EFCAB5: variants seen among roughly 807,000 people sequenced by gnomAD.
EFCAB5 encodes EF-hand calcium binding domain 5, also known as EF-hand calcium-binding domain-containing protein 5.
EFCAB5 carries 131 observed loss-of-function variants against 167.9 expected under a neutral mutation model. The observed-to-expected ratio is 0.78, with a 90% CI of 0.68 to 0.90. The LOEUF (loss-of-function observed/expected upper bound fraction) is 0.90, where lower values mean the gene tolerates loss of function less well. Ranked by LOEUF, EFCAB5 falls within the 40% of genes least tolerant of loss-of-function variation. EFCAB5 has a pLI of 0.00. For missense variants in EFCAB5, 1,663 were observed against 1,745.2 expected (o/e 0.95, Z 0.84); for synonymous variants, 574 against 602.8 (o/e 0.95, Z 0.70).
chr17:29,951,733 G>A (rs2067516968), intron 3 of EFCAB5, among the ~76,000 whole-genome samples: 1 of 151,872 alleles, frequency 6.6e-6, no homozygotes. Context: ...CTACAATTAT[G>A]TAAAACAAAT....
Position 29,929,966 on chromosome 17 carries a change from G to T in EFCAB5, c.-127+637G>T, listed in dbSNP as rs369609551. 13 of 1,603,992 alleles carry T rather than the reference G, an allele frequency of 8.1e-6. No individual in the cohort carries two copies. The highest frequency in any genetic ancestry group is 1.3e-5 in the African/African-American group (1 of 74,734). ...GGCGCAGGGGCTGGAGGTGGTGCTG[G>T]GGGTAGGTGACCGCTGGACCGTGAC... On this transcript the variant is annotated intron_variant, in intron 1 of 3. Coordinates refer to the EFCAB5 transcript ENST00000448319.
intron 18 of EFCAB5, among the ~76,000 whole-genome samples, chr17:30,085,814 A>C (rs932966806): frequency 3.1e-4 from 47 of 152,338 alleles, no homozygotes; most frequent in African/African-American, 8.4e-4. Flanking sequence ...CAGTTTTCCA[A>C]GGATAACGTT....
At chr17:30,042,149 C>T (rs1402621232) in intron 8 of EFCAB5, among the ~76,000 whole-genome samples, 2 of 152,046 alleles carry the variant, frequency 1.3e-5, no homozygotes, top group Admixed American at 1.3e-4. Flanking sequence ...GCTGGGATTA[C>T]AGGCGCGCAC....
At position 30,036,241 on chromosome 17, in the gene EFCAB5, A is replaced by G. The variant is rs2069616415; in HGVS notation, c.1200+1856A>G. Among the ~76,000 whole-genome samples, 5 of 140,060 alleles carry G rather than the reference A, an allele frequency of 3.6e-5. No homozygotes were observed. In the South Asian group the frequency reaches 1.1e-3, roughly 30 times the overall value. The allele number at this position is 140,060 out of a possible 152,430, so 91.9% of individuals were successfully genotyped here. On this transcript the variant is annotated intron_variant, in intron 8 of 22. Transcript: ENST00000394835. The stretch of plus-strand genomic sequence containing the variant: ...ATATATGCATATATAATGTATGTAT[A>G]TATAAATATAGAATATACATATATA...
At chr17:29,995,591 G>C (rs993116168) in intron 5 of EFCAB5, among the ~76,000 whole-genome samples, 1 of 152,214 alleles carries the variant, frequency 6.6e-6, no homozygotes, top group Admixed American at 6.5e-5. Context: ...GTCTGCGTCT[G>C]ATCTGGGTGC....
At chr17:30,059,119 T>TCTGATAAC (rs2070354961) in intron 13 of EFCAB5, 2 of 152,308 alleles carry the variant, frequency 1.3e-5, no homozygotes, top group African/African-American at 4.8e-5. Flanking sequence ...GTTAATAAGT[T>TCTGATAAC]CTGATAACCC....
chr17:29,995,292 C>T (rs540808618), intron 5 of EFCAB5, among the ~76,000 whole-genome samples: 3 of 152,340 alleles, frequency 2.0e-5, no homozygotes, highest in African/African-American at 7.2e-5. Flanking sequence ...TTTCTCAGAA[C>T]ACTCTTATAG....
At chr17:30,043,936 T>C (rs2069845966) in intron 8 of EFCAB5, among the ~76,000 whole-genome samples, 2 of 152,046 alleles carry the variant, frequency 1.3e-5, no homozygotes, top group Admixed American at 1.3e-4. Context: ...TGACAAAAAA[T>C]AGACATCACC....
At chr17:30,012,955 CT>C (rs2068942650) in intron 7 of EFCAB5, among the ~76,000 whole-genome samples, 1 of 152,114 alleles carries the variant, frequency 6.6e-6, no homozygotes, top group African/African-American at 2.4e-5. Context: ...ATAAATAGCT[CT>C]TATTATTTTG....
At chr17:29,963,518 A>AG (rs1248481494) in intron 3 of EFCAB5, among the ~76,000 whole-genome samples, 12 of 152,172 alleles carry the variant, frequency 7.9e-5, no homozygotes, top group Non-Finnish European at 1.8e-4. Context: ...TTTTACTGTG[A>AG]TATCTATCTA....
chr17:30,005,302 C>A (rs1025117891), intron 7 of EFCAB5, among the ~76,000 whole-genome samples: 1 of 152,104 alleles, frequency 6.6e-6, no homozygotes, highest in Non-Finnish European at 1.5e-5. Flanking sequence ...AATCAAGCCA[C>A]TGCACTCCAG....
chr17:29,936,584 G>T (rs758891773), intron 1 of EFCAB5, among the ~76,000 whole-genome samples: 2 of 152,186 alleles, frequency 1.3e-5, no homozygotes, highest in Non-Finnish European at 2.9e-5. Flanking sequence ...CAAGGCAAAA[G>T]AAATGTGATT....
chr17:29,990,935 G>A (rs1030855392), intron 4 of EFCAB5, among the ~76,000 whole-genome samples: 3 of 152,136 alleles, frequency 2.0e-5, no homozygotes, highest in Admixed American at 6.5e-5. Flanking sequence ...AAATAATGAG[G>A]GGGTGCAGAA....
At chr17:29,972,095 T>A (rs1015112236) in intron 4 of EFCAB5, among the ~76,000 whole-genome samples, 5 of 151,954 alleles carry the variant, frequency 3.3e-5, no homozygotes, top group African/African-American at 1.2e-4. Flanking sequence ...TGGAGTGCAG[T>A]GGCGTGATCT....
chr17:29,990,393 C>G (rs1159888933), intron 4 of EFCAB5, among the ~76,000 whole-genome samples: 3 of 152,018 alleles, frequency 2.0e-5, no homozygotes, highest in Admixed American at 2.0e-4. Flanking sequence ...TTTCATTTTT[C>G]CCCATTTCCA....
At chr17:29,946,824 A>C (rs2067410657) in intron 3 of EFCAB5, among the ~76,000 whole-genome samples, 1 of 152,194 alleles carries the variant, frequency 6.6e-6, no homozygotes, top group African/African-American at 2.4e-5. Flanking sequence ...AAAAGAAAAT[A>C]AGTCATTATA....
chr17:30,036,289 CATATATAATATATAATTATATATAAT>C (rs2069621455), intron 8 of EFCAB5, among the ~76,000 whole-genome samples: 1 of 121,836 alleles, frequency 8.2e-6, no homozygotes, highest in Admixed American at 9.1e-5. Flanking sequence ...ATATAATACA[CATATATAATATATAATTATATATAAT>C]ACACATATAT....
At chr17:30,009,794 C>G (rs780015117) in intron 7 of EFCAB5, among the ~76,000 whole-genome samples, 1 of 151,890 alleles carries the variant, frequency 6.6e-6, no homozygotes, top group East Asian at 1.9e-4. Context: ...TTTTGAGGAA[C>G]TGCCAGATTG....
At chr17:30,107,803 C>T (rs544224125) in intron 22 of EFCAB5, 31 bp from the exon 23 acceptor site, 47 of 1,436,504 alleles carry the variant, frequency 3.3e-5, no homozygotes, top group Middle Eastern at 1.9e-4. Context: ...AAACTCTCCA[C>T]TCTTACTTTT....
Sources: gnomAD v4.1 joint callset for allele counts (sites outside exome capture counted in the v4.1 genomes callset) on GRCh38, gnomAD v4.1.1 for gene constraint, MANE v1.5 for transcripts, NCBI Gene and HGNC (gene_info 2026-07-23, HGNC 2026-07-21) for gene names.